The following ERP27 variants were observed in gnomAD, a reference collection of about 807,000 sequenced individuals.
ERP27 encodes endoplasmic reticulum resident protein 27.
A neutral mutation model predicts 27.7 loss-of-function variants in ERP27; 23 were observed. That is an observed-to-expected ratio of 0.83 (90% CI 0.60 to 1.18). The LOEUF (loss-of-function observed/expected upper bound fraction) is 1.18. Ranked by LOEUF, ERP27 falls within the 50% of genes most tolerant of loss-of-function variation. The probability of loss-of-function intolerance (pLI) is 0.00; values close to 1 mark genes in which losing one functional copy is unlikely to be tolerated. For missense variants in ERP27, 363 were observed against 327.9 expected, an observed-to-expected ratio of 1.11 and a Z score of -0.83; for synonymous variants, 159 against 118.3, an observed-to-expected ratio of 1.34 and a Z score of -2.23.
chr12:14,934,769 C>T lies in ERP27; in HGVS notation c.333+87G>A. The T allele has an allele frequency of 2.0e-6, 3 of 1,518,470 alleles. No homozygotes were observed. In the South Asian group the frequency reaches 3.6e-5, roughly 18 times the overall value. The allele number at this position is 1,518,470 out of a possible 1,614,324, so 94.1% of individuals were successfully genotyped here. A position where few individuals can be genotyped will look rare whatever the true frequency, so the allele number is the denominator to read the frequency against. ...TTGGTACCATCATTAGTGTAAAAGA[C>T]ATAGAGTCCTTTCCAGTCTCACAAG... On this transcript the variant is annotated intron_variant, in intron 3 of 6. Coordinates refer to ENST00000266397, the MANE Select transcript of ERP27 (RefSeq NM_152321.4).
intron 4 of ERP27, 72 bp downstream of exon 4, chr12:14,920,860 C>T: frequency 8.9e-7 from 1 of 1,128,368 alleles, no homozygotes; most frequent in Non-Finnish European, 1.3e-6. Flanking sequence ...GAGGAAGAGA[C>T]CTCTGTTATG....
intron 2 of ERP27, among the ~76,000 whole-genome samples, chr12:14,935,585 G>T (rs1317720979): frequency 6.6e-6 from 1 of 152,144 alleles, no homozygotes; most frequent in African/African-American, 2.4e-5. Flanking sequence ...ACCTGACCAA[G>T]GACAAAGAAG....
intron 2 of ERP27, among the ~76,000 whole-genome samples, chr12:14,936,084 G>A (rs575359325): frequency 6.6e-6 from 1 of 152,092 alleles, no homozygotes; most frequent in South Asian, 2.1e-4. Context: ...AAATAAACTG[G>A]CTTTTCCTCC....
Position 14,917,688 on chromosome 12 carries a change from G to A in ERP27, c.451-385C>T, listed in dbSNP as rs117586362. Among the ~76,000 whole-genome samples, 1,100 of 152,304 alleles carry A rather than the reference G, an allele frequency of 7.2e-3. 23 individuals are homozygous for A. Among genetic ancestry groups the A allele is most frequent in the East Asian group, 0.035 (183 of 5,182 alleles). On this transcript the variant is annotated intron_variant, in intron 4 of 6. Transcript: ENST00000266397. Reference sequence around the variant, plus strand: ...GGAGAAACGCATGGCCAGGAACTAAGTCCTTCTACTAACAGCCAGCATTGA... The same window carrying A: ...GGAGAAACGCATGGCCAGGAACTAAATCCTTCTACTAACAGCCAGCATTGA...
intron 6 of ERP27, among the ~76,000 whole-genome samples, 166 bp downstream of exon 6, chr12:14,915,323 G>A (rs1863391269): frequency 6.6e-6 from 1 of 152,178 alleles, no homozygotes; most frequent in Non-Finnish European, 1.5e-5. Context: ...CAGCCACCCT[G>A]TAGTGCTACA....
At chr12:14,918,291 C>T (rs1863445444) in intron 4 of ERP27, among the ~76,000 whole-genome samples, 1 of 152,142 alleles carries the variant, frequency 6.6e-6, no homozygotes, top group Non-Finnish European at 1.5e-5. Context: ...ATAGCAAAAC[C>T]CCATATAAAC....
At chr12:14,929,121 TG>T in intron 3 of ERP27, 1 of 1,473,928 alleles carries the variant, frequency 6.8e-7, no homozygotes, top group Middle Eastern at 2.0e-4. Flanking sequence ...CTCACATCGC[TG>T]TGCATGGATC....
At chr12:14,918,214 C>T (rs747889562) in intron 4 of ERP27, among the ~76,000 whole-genome samples, 11 of 152,206 alleles carry the variant, frequency 7.2e-5, no homozygotes, top group Non-Finnish European at 1.3e-4. Context: ...CAGGGATTCA[C>T]ACCAGGTGGT....
chr12:14,933,314 C>G (rs1474492136), intron 3 of ERP27, among the ~76,000 whole-genome samples: 18 of 152,036 alleles, frequency 1.2e-4, no homozygotes, highest in Admixed American at 1.2e-3. Context: ...GCAGGAGGAT[C>G]AGGAGAAGTA....
At position 14,914,771 on chromosome 12, in the gene ERP27, A is replaced by C; in HGVS notation, c.786T>G (p.Arg262=). The change falls in exon 7 of 7, where the codon CGT becomes CGG. Residue 262 remains arginine (R), a synonymous_variant. Transcript: ENST00000266397. ...CCTTTGGAGTCTTTCCTTCTGATTC[A>C]CGATTTTCTTTCTGGAAAACATTAT... ...FLSGKLLKEN[R]ESEGKTPKVE... is the part of the protein sequence containing the mutation. 6.2e-7 allele frequency: 1 copy of C among 1,613,814 alleles called. No homozygotes were observed. Among genetic ancestry groups the C allele is most frequent in the Non-Finnish European group, 8.5e-7 (1 of 1,179,776 alleles).
chr12:14,918,169 T>TA (rs1384062693), intron 4 of ERP27, among the ~76,000 whole-genome samples: 4 of 152,218 alleles, frequency 2.6e-5, no homozygotes, highest in Non-Finnish European at 4.4e-5. Flanking sequence ...GAGGCATAGA[T>TA]AGACTAATTC....
At position 14,915,502 on chromosome 12, in the gene ERP27, C is replaced by T; in HGVS notation, c.761G>A (p.Ser254Asn). ...TCTCACACTTACCAACAATTTTCCA[C>T]TTAGGAATCCATCACAAAAGTTTTG... ...HVQNFCDGFL[S>N]GKLLKENRES... The change falls in exon 6 of 7, where the codon AGT becomes AAT. Residue 254 changes from serine (S) to asparagine (N), a missense_variant. Coordinates refer to ENST00000266397, the MANE Select transcript of ERP27 (RefSeq NM_152321.4). The T allele has an allele frequency of 6.2e-7, 1 of 1,614,048 alleles. No individual in the cohort carries two copies. The highest frequency in any genetic ancestry group is 8.5e-7 in the Non-Finnish European group (1 of 1,179,902).
chr12:14,928,849 C>T lies in ERP27; in HGVS notation c.333+6007G>A, dbSNP rs555272555. On this transcript the variant is annotated intron_variant, in intron 3 of 6. Transcript: ENST00000266397. Reference sequence around the variant, plus strand: ...CCCTCCTACCACCTCCTTCCCCTTCCCTTGCCCATATCAAGACGAATGAGT... The same window carrying T: ...CCCTCCTACCACCTCCTTCCCCTTCTCTTGCCCATATCAAGACGAATGAGT... The T allele has an allele frequency of 6.3e-6, 8 of 1,271,050 alleles. 1 individual carries two copies. The South Asian group carries it at 9.0e-5, about 14-fold the overall frequency. 78.7% of individuals were successfully genotyped at this position (1,271,050 alleles called of 1,614,324 possible). A position where few individuals can be genotyped will look rare whatever the true frequency, so the allele number is the denominator to read the frequency against.
intron 3 of ERP27, among the ~76,000 whole-genome samples, chr12:14,925,587 C>G (rs1355179415): frequency 6.6e-6 from 1 of 151,760 alleles, no homozygotes; most frequent in Non-Finnish European, 1.5e-5. Context: ...GTAAGATTTT[C>G]TGGTTATATT....
Position 14,934,736 on chromosome 12 carries a change from C to T in ERP27, c.333+120G>A. 3.3e-6 allele frequency: 4 copies of T among 1,227,700 alleles called. No homozygotes were observed. In the East Asian group the frequency reaches 7.2e-5, roughly 22 times the overall value. The allele number at this position is 1,227,700 out of a possible 1,614,324, so 76.1% of individuals were successfully genotyped here. On this transcript the variant is annotated intron_variant, in intron 3 of 6. Coordinates refer to ENST00000266397, the MANE Select transcript of ERP27 (RefSeq NM_152321.4). ...GAGTCATCATCCTTGTCAACAATGT[C>T]CCTGAATTTGGTACCATCATTAGTG...
chr12:14,925,162 C>T (rs1863581599), intron 3 of ERP27, among the ~76,000 whole-genome samples: 1 of 152,196 alleles, frequency 6.6e-6, no homozygotes, highest in South Asian at 2.1e-4. Flanking sequence ...TCTGTGGACT[C>T]ACCCTGAATT....
intron 3 of ERP27, among the ~76,000 whole-genome samples, chr12:14,923,495 CT>C (rs1407039337): frequency 5.3e-4 from 78 of 146,582 alleles, no homozygotes; most frequent in African/African-American, 1.9e-3. Context: ...TATAATCAAT[CT>C]ATCTATCTAT....
chr12:14,917,226 T>G lies in ERP27; in HGVS notation c.528A>C (p.Glu176Asp). 1 of 1,614,182 alleles carries G rather than the reference T, an allele frequency of 6.2e-7. No individual in the cohort carries two copies. The highest frequency in any genetic ancestry group is 8.5e-7 in the Non-Finnish European group (1 of 1,180,016). Residue 176 changes from glutamate (E) to aspartate (D), a missense_variant, in exon 5 of 7, where the codon GAA becomes GAC. Physicochemically the swap from Glu to Asp is conservative, Grantham distance 45 (BLOSUM62 2). Coordinates refer to ENST00000266397, the MANE Select transcript of ERP27 (RefSeq NM_152321.4). ...LIMNKASPEYEENMHRYQKAA... is the reference protein window; with the variant it reads ...LIMNKASPEYDENMHRYQKAA... ...CCTTCTGGTATCTGTGCATGTTCTC[T>G]TCATACTCTGGGGAGGCCTTGTTCA...
Position 14,935,655 on chromosome 12 carries a change from T to G in ERP27, c.196-662A>C, listed in dbSNP as rs544652066. 3.3e-5 allele frequency among the ~76,000 whole-genome samples: 5 copies of G among 152,312 alleles called. No individual in the cohort carries two copies. The East Asian group carries it at 9.7e-4, about 29-fold the overall frequency. On this transcript the variant is annotated intron_variant, in intron 2 of 6. Coordinates refer to ENST00000266397, the MANE Select transcript of ERP27 (RefSeq NM_152321.4). ...ATGCCTGTGGTTGCCGGTTATCACT[T>G]GATCCCAACTCCCTCCTCTTCACCC... is the stretch of plus-strand genomic sequence containing the variant.
Sources: allele counts gnomAD v4.1 joint callset (sites outside exome capture counted in the v4.1 genomes callset), GRCh38; gene constraint gnomAD v4.1.1; transcripts MANE v1.5; gene names NCBI Gene and HGNC (gene_info 2026-07-23, HGNC 2026-07-21).